Variants in LRP1B observed in about 807,000 individuals in gnomAD.
LRP1B encodes the protein low-density lipoprotein receptor-related protein 1B.
A neutral mutation model predicts 556.6 loss-of-function variants in LRP1B; 217 were observed. That is an observed-to-expected ratio of 0.39 (90% CI 0.35 to 0.44). The LOEUF is 0.44. Ranked by LOEUF, LRP1B falls within the 20% of genes least tolerant of loss-of-function variation. LRP1B has a pLI of 1.00. For synonymous variants in LRP1B, 2,047 were observed against 1,865.8 expected, an observed-to-expected ratio of 1.10 and a Z score of -2.50; for missense variants, 5,053 against 5,620.8, an observed-to-expected ratio of 0.90 and a Z score of 3.23.
At chr2:141,411,380 G>C (rs1322246224) in intron 3 of LRP1B, among the ~76,000 whole-genome samples, 1 of 152,058 alleles carries the variant, frequency 6.6e-6, no homozygotes, top group Non-Finnish European at 1.5e-5. Context: ...TATAAACTTG[G>C]AAAGCATGGG....
chr2:140,555,243 T>C (rs892635698), intron 43 of LRP1B, among the ~76,000 whole-genome samples: 1 of 150,886 alleles, frequency 6.6e-6, no homozygotes, highest in African/African-American at 2.4e-5. Context: ...AAAACAAATA[T>C]TACTTTAGAT....
intron 1 of LRP1B, among the ~76,000 whole-genome samples, chr2:142,117,605 G>T (rs1299317907): frequency 6.9e-6 from 1 of 144,574 alleles, no homozygotes. Flanking sequence ...TTATTTGTGT[G>T]TGTGTGTGTT....
At chr2:141,479,004 G>A (rs1682816736) in intron 3 of LRP1B, among the ~76,000 whole-genome samples, 1 of 152,072 alleles carries the variant, frequency 6.6e-6, no homozygotes, top group Non-Finnish European at 1.5e-5. Context: ...GCTAAGAAAG[G>A]AAACTCAGGC....
chr2:142,069,881 A>G (rs1193545489), intron 1 of LRP1B, among the ~76,000 whole-genome samples: 2 of 151,768 alleles, frequency 1.3e-5, no homozygotes, highest in African/African-American at 2.4e-5. Flanking sequence ...TGCTTTACAG[A>G]GCTTTATAAA....
intron 2 of LRP1B, among the ~76,000 whole-genome samples, chr2:141,593,886 C>T (rs1446107594): frequency 6.6e-6 from 1 of 152,120 alleles, no homozygotes; most frequent in Non-Finnish European, 1.5e-5. Flanking sequence ...CAAAGCCTGT[C>T]ATCAGCTGTC....
At chr2:140,340,335 T>C (rs1291185867) in intron 77 of LRP1B, among the ~76,000 whole-genome samples, 1 of 151,650 alleles carries the variant, frequency 6.6e-6, no homozygotes, top group Middle Eastern at 3.2e-3. Context: ...GTCTAGCTCC[T>C]AAACAGTAAA....
chr2:140,852,168 A>T lies in LRP1B; in HGVS notation c.4580-385T>A, dbSNP rs910515502. 1.8e-4 allele frequency among the ~76,000 whole-genome samples: 27 copies of T among 152,276 alleles called. 1 individual carries two copies. Among genetic ancestry groups the T allele is most frequent in the African/African-American group, 6.5e-4 (27 of 41,560 alleles). ...CCATGAAACCCCATCTCTACTAAAA[A>T]TACAAAAAATTTGCCGAGCGTGGTG... is the stretch of plus-strand genomic sequence containing the variant. On this transcript the variant is annotated intron_variant, in intron 27 of 90. Coordinates refer to ENST00000389484, the MANE Select transcript of LRP1B (RefSeq NM_018557.3).
chr2:140,767,602 C>A (rs935471110), intron 35 of LRP1B, among the ~76,000 whole-genome samples: 8 of 151,552 alleles, frequency 5.3e-5, no homozygotes, highest in Non-Finnish European at 1.2e-4. Context: ...ATGATCTTAT[C>A]AAGACATTTA....
intron 2 of LRP1B, among the ~76,000 whole-genome samples, chr2:141,739,522 C>T (rs974029845): frequency 6.6e-6 from 1 of 152,044 alleles, no homozygotes; most frequent in African/African-American, 2.4e-5. Flanking sequence ...GTCTCTACTA[C>T]CACTTTGACT....
chr2:140,440,354 T>G (rs1686371739), intron 66 of LRP1B, among the ~76,000 whole-genome samples: 2 of 152,146 alleles, frequency 1.3e-5, no homozygotes, highest in South Asian at 4.1e-4. Context: ...ACATGGGACA[T>G]GTGAAATAGT....
intron 31 of LRP1B, among the ~76,000 whole-genome samples, chr2:140,834,607 T>C (rs1349024386): frequency 2.0e-5 from 3 of 152,204 alleles, no homozygotes; most frequent in Non-Finnish European, 1.5e-5. Flanking sequence ...GGCCAGTTAG[T>C]GTTCTCTTTT....
intron 2 of LRP1B, among the ~76,000 whole-genome samples, chr2:141,748,897 C>G (rs1469065287): frequency 6.6e-6 from 1 of 152,130 alleles, no homozygotes; most frequent in Non-Finnish European, 1.5e-5. Context: ...CTCCCAGAAA[C>G]AGTGGCTTTT....
chr2:141,687,471 T>C (rs1691355391), intron 2 of LRP1B, among the ~76,000 whole-genome samples: 1 of 152,046 alleles, frequency 6.6e-6, no homozygotes, highest in South Asian at 2.1e-4. Flanking sequence ...TGTTTTCATC[T>C]TATAGTTTGC....
chr2:141,302,437 G>A (rs775743125), intron 3 of LRP1B, among the ~76,000 whole-genome samples: 1 of 151,960 alleles, frequency 6.6e-6, no homozygotes, highest in Non-Finnish European at 1.5e-5. Flanking sequence ...GTTCCTAACT[G>A]CTCACTTCAG....
intron 7 of LRP1B, among the ~76,000 whole-genome samples, chr2:141,121,215 G>C (rs1432970356): frequency 6.6e-6 from 1 of 152,028 alleles, no homozygotes; most frequent in Non-Finnish European, 1.5e-5. Context: ...AATAATCCAT[G>C]TGAGTGTTAA....
chr2:140,401,926 A>T (rs551643939), intron 66 of LRP1B, among the ~76,000 whole-genome samples: 46 of 152,338 alleles, frequency 3.0e-4, no homozygotes, highest in African/African-American at 1.0e-3. Flanking sequence ...TGAGAAAGAC[A>T]GCACACTATC....
In LRP1B at chr2:141,357,855, G is replaced by A. The variant is rs1016367440; in HGVS notation, c.344-103214C>T. Among the ~76,000 whole-genome samples the A allele has an allele frequency of 1.1e-4, 17 of 152,084 alleles. 1 individual carries two copies. Among genetic ancestry groups the A allele is most frequent in the Admixed American group, 6.6e-4 (10 of 15,260 alleles). Reference sequence around the variant, plus strand: ...AGAAAATATTTTTTCAACTGAACAAGAAAATGAATAATTTTCTTTAACAGT... The same window carrying A: ...AGAAAATATTTTTTCAACTGAACAAAAAAATGAATAATTTTCTTTAACAGT... On this transcript the variant is annotated intron_variant, in intron 3 of 90. Coordinates refer to ENST00000389484, the MANE Select transcript of LRP1B (RefSeq NM_018557.3).
At chr2:140,248,252 T>G (rs1390499238) in intron 86 of LRP1B, among the ~76,000 whole-genome samples, 1 of 151,808 alleles carries the variant, frequency 6.6e-6, no homozygotes, top group East Asian at 1.9e-4. Flanking sequence ...CATAAAATCA[T>G]TATTACTGAC....
chr2:140,996,017 T>G (rs1321801997), intron 15 of LRP1B, among the ~76,000 whole-genome samples: 1 of 151,974 alleles, frequency 6.6e-6, no homozygotes, highest in Non-Finnish European at 1.5e-5. Context: ...GAATGTTATG[T>G]GGCCTGCTGT....
Sources: allele counts gnomAD v4.1 joint callset (sites outside exome capture counted in the v4.1 genomes callset), GRCh38; gene constraint gnomAD v4.1.1; transcripts MANE v1.5; gene names NCBI Gene and HGNC (gene_info 2026-07-23, HGNC 2026-07-21).